The following SPATA21 variants were observed in gnomAD, a reference collection of about 807,000 sequenced individuals.
SPATA21 encodes spermatogenesis-associated protein 21.
In SPATA21, 47 loss-of-function variants were observed where a neutral mutation model predicts 54.8. The observed-to-expected ratio is 0.86, with a 90% confidence interval of 0.68 to 1.09. The LOEUF (loss-of-function observed/expected upper bound fraction) is 1.09, where lower values mean the gene tolerates loss of function less well. SPATA21 is among the 50% of genes least tolerant of loss of function. The pLI, the probability that SPATA21 is intolerant of heterozygous loss-of-function variation, is 0.00. For synonymous variants in SPATA21, 245 were observed against 235.3 expected (o/e 1.04, Z -0.38); for missense variants, 599 against 596.4 (o/e 1.00, Z -0.05).
At chr1:16,417,816 C>T (rs2086057474) in intron 5 of SPATA21, among the ~76,000 whole-genome samples, 1 of 152,124 alleles carries the variant, frequency 6.6e-6, no homozygotes, top group Non-Finnish European at 1.5e-5. Context: ...GTGATCCGCC[C>T]ACCTCAGCCT....
intron 3 of SPATA21, among the ~76,000 whole-genome samples, chr1:16,430,138 A>G (rs2086423420): frequency 6.6e-6 from 1 of 150,384 alleles, no homozygotes; most frequent in South Asian, 2.1e-4. Context: ...AAAAAAAAAA[A>G]AAGAAGATGC....
chr1:16,413,029 G>A (rs1226075562), intron 5 of SPATA21, among the ~76,000 whole-genome samples: 5 of 152,048 alleles, frequency 3.3e-5, no homozygotes, highest in Admixed American at 6.6e-5. Context: ...TGATCCGCCC[G>A]CCTTGGCCTC....
At chr1:16,407,613 C>A (rs895020525) in intron 7 of SPATA21, among the ~76,000 whole-genome samples, 4 of 151,990 alleles carry the variant, frequency 2.6e-5, no homozygotes, top group African/African-American at 9.7e-5. Context: ...GTGCCCACCA[C>A]CACACCGGGC....
At chr1:16,429,249 C>T (rs890613043) in intron 3 of SPATA21, among the ~76,000 whole-genome samples, 8 of 151,814 alleles carry the variant, frequency 5.3e-5, no homozygotes, top group African/African-American at 9.7e-5. Flanking sequence ...GCTCTCCTCC[C>T]GCCTCTGCCT....
intron 1 of SPATA21, among the ~76,000 whole-genome samples, chr1:16,435,256 A>C (rs2086557004): frequency 6.6e-6 from 1 of 152,040 alleles, no homozygotes; most frequent in Non-Finnish European, 1.5e-5. Flanking sequence ...ATAATGTTGG[A>C]CATCTTCATG....
intron 1 of SPATA21, among the ~76,000 whole-genome samples, chr1:16,435,878 G>A (rs574690720): frequency 6.6e-5 from 10 of 152,222 alleles, no homozygotes; most frequent in African/African-American, 2.4e-4. Context: ...TATATGATCT[G>A]CAAAAATTTT....
At position 16,403,483 on chromosome 1, in the gene SPATA21, C is replaced by CTTTTCTTT. The variant is rs2085517568; in HGVS notation, c.1001+243_1001+244insAAAGAAAA. On this transcript the variant is annotated intron_variant, in intron 10 of 12. Transcript: ENST00000335496. ...AAGCTAGTTTTATTCTAGTTTTTTT[C>CTTTTCTTT]TTTTTTTTCTTTTTTTTTTTTTTGA... 3.4e-5 allele frequency among the ~76,000 whole-genome samples: 4 copies of CTTTTCTTT among 117,114 alleles called. 1 individual carries two copies. The highest frequency in any genetic ancestry group is 3.8e-5 in the Non-Finnish European group (2 of 52,998). The allele number at this position is 117,114 out of a possible 152,430, so 76.8% of individuals were successfully genotyped here.
At position 16,402,502 on chromosome 1, in the gene SPATA21, C is replaced by T. The variant is rs975064724; in HGVS notation, c.1001+1225G>A. Among the ~76,000 whole-genome samples the T allele has an allele frequency of 3.3e-5, 5 of 151,486 alleles. No homozygotes were observed. In the South Asian group the frequency reaches 8.3e-4, roughly 25 times the overall value. ...GCTCTCGATCTCCTGACCTTGTGAT[C>T]CGCCCACCGCGGCCTCCCAAAGTGC... On this transcript the variant is annotated intron_variant, in intron 10 of 12. Transcript: ENST00000335496.
In SPATA21 at chr1:16,409,635, T is replaced by C; in HGVS notation, c.553A>G (p.Ser185Gly). 1 of 1,612,964 alleles carries C rather than the reference T, an allele frequency of 6.2e-7. No individual in the cohort carries two copies. Among genetic ancestry groups the C allele is most frequent in the Non-Finnish European group, 8.5e-7 (1 of 1,179,988 alleles). Residue 185 changes from serine (S) to glycine (G), a missense_variant, in exon 6 of 13, where the codon AGC (serine) becomes GGC (glycine). By Grantham distance (56) the Ser-to-Gly change is moderately conservative. Coordinates refer to ENST00000335496, the MANE Select transcript of SPATA21 (RefSeq NM_198546.1). The surrounding 1 kb of genome is among the most constrained non-coding windows in gnomAD (Gnocchi z 4.1). ...GWRRMELLHQSSERTLSYAKA... is the reference protein window; with the variant it reads ...GWRRMELLHQGSERTLSYAKA... The stretch of plus-strand genomic sequence containing the variant: ...GCGTAGCTCAGGGTTCTCTCGCTGC[T>C]CTGGTGCAAGAGTTCCATCCTTCTC...
At chr1:16,432,278 T>G (rs1429213358) in intron 2 of SPATA21, among the ~76,000 whole-genome samples, 1 of 151,934 alleles carries the variant, frequency 6.6e-6, no homozygotes, top group Admixed American at 6.6e-5. Flanking sequence ...GCCGCCACCA[T>G]GCCCGGCTAA....
chr1:16,420,144 G>A (rs1429411995), intron 5 of SPATA21, among the ~76,000 whole-genome samples: 1 of 152,046 alleles, frequency 6.6e-6, no homozygotes, highest in East Asian at 1.9e-4. Context: ...GGCTGTCATG[G>A]AGCCTGGAGA....
chr1:16,401,316 A>G (rs1199955928), intron 10 of SPATA21, among the ~76,000 whole-genome samples: 1 of 152,050 alleles, frequency 6.6e-6, no homozygotes, highest in Non-Finnish European at 1.5e-5. Flanking sequence ...TGGCGGGGAG[A>G]CAGAGTCTCA....
At chr1:16,399,250 T>C in intron 12 of SPATA21, 94 bp downstream of exon 12, 1 of 1,388,360 alleles carries the variant, frequency 7.2e-7, no homozygotes, top group Non-Finnish European at 9.7e-7. Context: ...AGGTATGATC[T>C]CTTAGAAAGA....
In SPATA21 at chr1:16,409,197, C is replaced by T; in HGVS notation, c.594G>A (p.Glu198=). ...GCTTTTGGAGGCTCTGCTCTTCCGG[C>T]TCCTGCCTGCAGAGGACAGAACCCC... ...RTLSYAKARQ[E]PEEQSLQKLY... The change falls in exon 7 of 13, where the codon GAG becomes GAA. Residue 198 remains glutamate, a synonymous_variant. Transcript: ENST00000335496. This position sits in a 1 kb window ranked among gnomAD's most constrained non-coding sequence, Gnocchi z 4.1. The T allele has an allele frequency of 6.2e-7, 1 of 1,614,118 alleles. No individual in the cohort carries two copies. The highest frequency in any genetic ancestry group is 8.5e-7 in the Non-Finnish European group (1 of 1,179,996).
intron 7 of SPATA21, among the ~76,000 whole-genome samples, chr1:16,406,921 A>T (rs2085660270): frequency 6.6e-6 from 1 of 152,342 alleles, no homozygotes; most frequent in East Asian, 1.9e-4. Flanking sequence ...AGCCTGTGAC[A>T]AAAGAAATGT....
chr1:16,407,680 G>A (rs766513736), intron 7 of SPATA21, among the ~76,000 whole-genome samples: 1 of 151,996 alleles, frequency 6.6e-6, no homozygotes, highest in Admixed American at 6.6e-5. Flanking sequence ...GGCTGGTCTC[G>A]AACTCCTGAC....
Position 16,410,083 on chromosome 1 carries a change from C to CCAGAGT in SPATA21, c.145-46_145-41dup. 3 of 1,454,726 alleles carry CCAGAGT rather than the reference C, an allele frequency of 2.1e-6. No homozygotes were observed. In the East Asian group the frequency reaches 7.0e-5, roughly 34 times the overall value. 90.1% of individuals were successfully genotyped at this position (1,454,726 alleles called of 1,614,324 possible). A position where few individuals can be genotyped will look rare whatever the true frequency, so the allele number is the denominator to read the frequency against. On this transcript the variant is annotated intron_variant, in intron 5 of 12. Coordinates refer to ENST00000335496, the MANE Select transcript of SPATA21 (RefSeq NM_198546.1). ...GGGGATCCAGGAGGCCTCTAGTGGG[C>CCAGAGT]CAGAGTGTCCCACAAATCTCCTCCC...
At chr1:16,437,779 C>T (rs577140561), upstream of SPATA21, among the ~76,000 whole-genome samples, 3 of 152,166 alleles carry the variant, frequency 2.0e-5, no homozygotes, top group East Asian at 1.9e-4. Flanking sequence ...TGGCTGGGTG[C>T]GGTGGCTCAC....
In SPATA21 at chr1:16,398,813, G is replaced by A. The variant is rs1247237435; in HGVS notation, c.1362C>T (p.Asn454=). 1 of 1,613,112 alleles carries A rather than the reference G, an allele frequency of 6.2e-7. No individual in the cohort carries two copies. Among genetic ancestry groups the A allele is most frequent in the Admixed American group, 1.7e-5 (1 of 59,906 alleles). ...QSGSQGNREH[N]SDSRKWLSSV... is the part of the protein sequence containing the mutation. ...AGCTGAGCCACTTTCTGCTGTCAGA[G>A]TTGTGTTCCCTGGGGAGAGGAGTAG... is the stretch of plus-strand genomic sequence containing the variant. Residue 454 remains asparagine, a synonymous_variant, in exon 13 of 13, where the codon AAC becomes AAT. Coordinates refer to ENST00000335496, the MANE Select transcript of SPATA21 (RefSeq NM_198546.1).
Sources: gnomAD v4.1 joint callset for allele counts (sites outside exome capture counted in the v4.1 genomes callset) on GRCh38, gnomAD v4.1.1 for gene constraint, Gnocchi (gnomAD v3.1) non-coding constraint, MANE v1.5 for transcripts, NCBI Gene and HGNC (gene_info 2026-07-23, HGNC 2026-07-21) for gene names.